ZFR: variants seen among roughly 807,000 people sequenced by gnomAD.
ZFR encodes the protein zinc finger RNA-binding protein.
A neutral mutation model predicts 130.7 loss-of-function variants in ZFR; 19 were observed. The observed-to-expected ratio is 0.15, with a 90% confidence interval of 0.10 to 0.21. The LOEUF (loss-of-function observed/expected upper bound fraction) is 0.21, where lower values mean the gene tolerates loss of function less well. Ranked by LOEUF, ZFR falls within the 10% of genes least tolerant of loss-of-function variation. The probability of loss-of-function intolerance (pLI) is 1.00; values close to 1 mark genes in which losing one functional copy is unlikely to be tolerated. For synonymous variants in ZFR, 466 were observed against 456.9 expected (o/e 1.02, Z -0.25); for missense variants, 872 against 1,321.5 (o/e 0.66, Z 5.27).
intron 17 of ZFR, 179 bp from the exon 18 acceptor site, chr5:32,364,454 C>T (rs374690793): frequency 5.1e-5 from 19 of 372,980 alleles, no homozygotes; most frequent in Admixed American, 1.7e-4. Flanking sequence ...AGGAATAGGC[C>T]GGGCACAGTG....
chr5:32,444,695 C>G lies in ZFR; in HGVS notation c.-37G>C. ...GCTGCTGCTGAACTCTGAACTCTCA[C>G]CCGCTGCCTCCCTCCTCTGCCCCGC... On this transcript the variant is annotated 5_prime_UTR_variant, in exon 1 of 20. Coordinates refer to ENST00000265069, the MANE Select transcript of ZFR (RefSeq NM_016107.5). 1 of 1,502,230 alleles carries G rather than the reference C, an allele frequency of 6.7e-7. No individual in the cohort carries two copies. The highest frequency in any genetic ancestry group is 8.9e-7 in the Non-Finnish European group (1 of 1,125,450). 93.1% of individuals were successfully genotyped at this position (1,502,230 alleles called of 1,614,324 possible). A position where few individuals can be genotyped will look rare whatever the true frequency, so the allele number is the denominator to read the frequency against.
intron 5 of ZFR, among the ~76,000 whole-genome samples, chr5:32,413,218 A>C (rs1364944284): frequency 6.6e-6 from 1 of 151,796 alleles, no homozygotes; most frequent in Admixed American, 6.6e-5. Flanking sequence ...AAACAAAACA[A>C]AAAACAAAAC....
chr5:32,394,296 T>A (rs1003686536), intron 11 of ZFR: 15 of 167,226 alleles, frequency 9.0e-5, no homozygotes, highest in Non-Finnish European at 2.2e-4. Context: ...AATGGAATAC[T>A]GAAACATGTT....
In ZFR at chr5:32,355,913, G is replaced by A. The variant is rs1752295297; in HGVS notation, c.3072C>T (p.Arg1024=). 1.3e-6 allele frequency: 2 copies of A among 1,593,916 alleles called. No individual in the cohort carries two copies. Among genetic ancestry groups the A allele is most frequent in the Middle Eastern group, 1.7e-4 (1 of 6,024 alleles). ...AQFALRLLAF[R]QIHKVLGMDP... ...CCATGCCTAGAACTTTGTGTATCTG[G>A]CGGAATGCAAGGAGTCTCAATGCAA... Residue 1024 remains arginine, a synonymous_variant, in exon 20 of 20, where the codon CGC becomes CGT. Transcript: ENST00000265069.
chr5:32,396,942 T>C (rs947520377), intron 10 of ZFR, among the ~76,000 whole-genome samples: 2 of 152,194 alleles, frequency 1.3e-5, no homozygotes, highest in African/African-American at 4.8e-5. Flanking sequence ...TTTATGTGAA[T>C]TAATTATCTT....
intron 2 of ZFR, among the ~76,000 whole-genome samples, chr5:32,421,951 T>C (rs1753968117): frequency 6.6e-6 from 1 of 152,120 alleles, no homozygotes; most frequent in African/African-American, 2.4e-5. Flanking sequence ...CCAAAATTCC[T>C]GGAACTGAAA....
At chr5:32,401,534 GA>G (rs1422019151) in intron 8 of ZFR, among the ~76,000 whole-genome samples, 5 of 152,148 alleles carry the variant, frequency 3.3e-5, no homozygotes, top group African/African-American at 1.2e-4. Flanking sequence ...AACATGGTGT[GA>G]AAAAGGCTAT....
intron 4 of ZFR, among the ~76,000 whole-genome samples, chr5:32,416,351 A>C (rs1337692657): frequency 3.9e-5 from 6 of 152,178 alleles, no homozygotes; most frequent in Non-Finnish European, 8.8e-5. Flanking sequence ...ATGGTGGCTC[A>C]CGCCTGTAAT....
At chr5:32,377,794 C>G (rs559644215) in intron 17 of ZFR, among the ~76,000 whole-genome samples, 2 of 152,146 alleles carry the variant, frequency 1.3e-5, no homozygotes, top group South Asian at 2.1e-4. Context: ...TCAAGTGATT[C>G]TCCTCTCCTG....
rs1753527801 is a variant in ZFR, at chr5:32,404,088, C to CT, written c.1041dup (p.Glu348ArgfsTer9). 6.3e-7 allele frequency: 1 copy of CT among 1,596,732 alleles called. No individual in the cohort carries two copies. The highest frequency in any genetic ancestry group is 1.4e-5 in the African/African-American group (1 of 73,426). On this transcript the variant is annotated frameshift_variant, in exon 7 of 20. Coordinates refer to ENST00000265069, the MANE Select transcript of ZFR (RefSeq NM_016107.5). LOFTEE classifies it high-confidence loss of function. The stretch of plus-strand genomic sequence containing the variant: ...TTATGTTTCTGTCCTTCTAAATGTT[C>CT]TTTATAAGTCTGTTTCAAATAAAAA...
At chr5:32,387,010 G>A (rs905798175) in intron 14 of ZFR, among the ~76,000 whole-genome samples, 1 of 152,024 alleles carries the variant, frequency 6.6e-6, no homozygotes, top group African/African-American at 2.4e-5. Flanking sequence ...TACTCTATTA[G>A]TTTTGCATTG....
intron 2 of ZFR, among the ~76,000 whole-genome samples, chr5:32,422,978 A>G (rs181200256): frequency 6.6e-6 from 1 of 152,058 alleles, no homozygotes; most frequent in Admixed American, 6.6e-5. Context: ...CTTATCAACA[A>G]CAACAAAAAG....
At chr5:32,402,972 A>G (rs976641823) in intron 8 of ZFR, 134 bp downstream of exon 8, 70 of 790,334 alleles carry the variant, frequency 8.9e-5, no homozygotes, top group South Asian at 3.6e-5. Context: ...CACTAGGCAG[A>G]TATGTGAAGA....
intron 2 of ZFR, among the ~76,000 whole-genome samples, chr5:32,435,314 GA>G (rs1436450543): frequency 6.6e-6 from 1 of 152,146 alleles, no homozygotes; most frequent in Non-Finnish European, 1.5e-5. Context: ...AGTGAGATGG[GA>G]AAAAAGCTAA....
intron 4 of ZFR, among the ~76,000 whole-genome samples, chr5:32,415,408 C>A (rs1256652949): frequency 6.6e-6 from 1 of 151,558 alleles, no homozygotes; most frequent in Non-Finnish European, 1.5e-5. Context: ...CTATGTATTT[C>A]CAAAATGATT....
intron 5 of ZFR, among the ~76,000 whole-genome samples, chr5:32,409,100 T>C (rs1753643952): frequency 6.6e-6 from 1 of 152,236 alleles, no homozygotes; most frequent in Non-Finnish European, 1.5e-5. Flanking sequence ...TCTTCTGTGC[T>C]TTTCTGTCAA....
At chr5:32,357,868 T>C (rs1045753350) in intron 19 of ZFR, among the ~76,000 whole-genome samples, 1 of 152,252 alleles carries the variant, frequency 6.6e-6, no homozygotes, top group South Asian at 2.1e-4. Context: ...TTCCACTGAT[T>C]TGAAGCATCA....
chr5:32,404,787 G>C (rs183187913), intron 6 of ZFR, among the ~76,000 whole-genome samples: 3 of 152,268 alleles, frequency 2.0e-5, no homozygotes, highest in African/African-American at 7.2e-5. Flanking sequence ...AAGAACAACT[G>C]GACAGTTTTG....
At chr5:32,430,844 T>A (rs1362753584) in intron 2 of ZFR, among the ~76,000 whole-genome samples, 16 of 152,172 alleles carry the variant, frequency 1.1e-4, no homozygotes, top group Admixed American at 1.0e-3. Context: ...GGGAGGCTAT[T>A]GCAGGCAGAT....
Sources: allele counts gnomAD v4.1 joint callset (sites outside exome capture counted in the v4.1 genomes callset), GRCh38; gene constraint gnomAD v4.1.1; transcripts MANE v1.5; gene names NCBI Gene and HGNC (gene_info 2026-07-23, HGNC 2026-07-21).